Variants in BDNF observed in about 807,000 individuals in gnomAD.
BDNF encodes brain derived neurotrophic factor, also known as neurotrophic factor BDNF precursor form.
In BDNF, 1 loss-of-function variant was observed where a neutral mutation model predicts 19.5. The observed-to-expected ratio is 0.05, with a 90% CI of 0.02 to 0.24. The LOEUF (loss-of-function observed/expected upper bound fraction) is 0.24, where lower values mean the gene tolerates loss of function less well. Ranked by LOEUF, BDNF falls within the 10% of genes least tolerant of loss-of-function variation. The pLI is 1.00. For synonymous variants in BDNF, 100 were observed against 121.6 expected, an observed-to-expected ratio of 0.82 and a Z score of 1.17; for missense variants, 195 against 317.6, an observed-to-expected ratio of 0.61 and a Z score of 2.93.
Position 27,658,623 on chromosome 11 carries a change from T to TA in BDNF, c.-21-39dup. 6.2e-7 allele frequency: 1 copy of TA among 1,614,104 alleles called. No homozygotes were observed. Among genetic ancestry groups the TA allele is most frequent in the Middle Eastern group, 1.6e-4 (1 of 6,062 alleles). ...AGCAGAAACAAGACAGAAAACTGGT[T>TA]AGGGCTTTCTTTCACCGGGATGCCA... On this transcript the variant is annotated intron_variant, in intron 1 of 1. Coordinates refer to ENST00000356660, the MANE Select transcript of BDNF (RefSeq NM_001709.5). The surrounding 1 kb of genome is among the most constrained non-coding windows in gnomAD (Gnocchi z 5.7).
intron 1 of BDNF, chr11:27,675,286 T>G (rs1394031806): frequency 6.6e-6 from 1 of 152,236 alleles, no homozygotes; most frequent in Non-Finnish European, 1.5e-5. Flanking sequence ...TTGTTGCTAC[T>G]CTGTTTCCAG....
chr11:27,706,358 G>A (rs890531608), intron 1 of BDNF, among the ~76,000 whole-genome samples: 11 of 152,156 alleles, frequency 7.2e-5, no homozygotes, highest in Non-Finnish European at 1.5e-4. Flanking sequence ...GCAGACCAGG[G>A]AAGTAGACTA....
chr11:27,713,844 C>G (rs932021838), intron 1 of BDNF, among the ~76,000 whole-genome samples: 10 of 152,208 alleles, frequency 6.6e-5, no homozygotes, highest in Admixed American at 2.6e-4. Flanking sequence ...ATGTCCTATA[C>G]AAGCTACAGC....
At chr11:27,663,666 A>G (rs892873384) in intron 1 of BDNF, among the ~76,000 whole-genome samples, 5 of 152,200 alleles carry the variant, frequency 3.3e-5, no homozygotes, top group African/African-American at 1.2e-4. Context: ...CCATAAAGCT[A>G]GTAGGTCACC....
At chr11:27,683,352 C>A (rs1371340441) in intron 1 of BDNF, among the ~76,000 whole-genome samples, 1 of 151,924 alleles carries the variant, frequency 6.6e-6, no homozygotes, top group Non-Finnish European at 1.5e-5. Flanking sequence ...CCCATTCTGT[C>A]GGTTGCCTGT....
At chr11:27,700,936 G>A (rs746978379), upstream of BDNF, 1 of 1,347,356 alleles carries the variant, frequency 7.4e-7, no homozygotes, top group Admixed American at 2.0e-5. Flanking sequence ...AAGTTCTCTG[G>A]GAGAGGGCGT....
intron 1 of BDNF, among the ~76,000 whole-genome samples, chr11:27,664,836 C>A (rs961100914): frequency 6.6e-6 from 1 of 152,108 alleles, no homozygotes; most frequent in Non-Finnish European, 1.5e-5. Flanking sequence ...GCCAGAGCCA[C>A]CCAGAATTCA....
rs966815269 is a variant in BDNF at position 27,705,771 on chromosome 11, C to A, written c.3+15641G>T. Among the ~76,000 whole-genome samples, 5 of 152,214 alleles carry A rather than the reference C, an allele frequency of 3.3e-5. No individual in the cohort carries two copies. In the South Asian group the frequency reaches 1.0e-3, roughly 31 times the overall value. ...ATTTGGAAACATCCGAAACTCCTGA[C>A]TTTCTCAACTTTAGTTGCCTTTCAC... On this transcript the variant is annotated intron_variant, in intron 1 of 1. Transcript: ENST00000314915.
intron 1 of BDNF, among the ~76,000 whole-genome samples, chr11:27,712,341 G>T (rs1332857553): frequency 6.6e-6 from 1 of 152,016 alleles, no homozygotes; most frequent in African/African-American, 2.4e-5. Flanking sequence ...AAAATACATT[G>T]ATACTTATCA....
intron 1 of BDNF, among the ~76,000 whole-genome samples, chr11:27,668,880 A>G (rs1331501246): frequency 6.6e-6 from 1 of 152,234 alleles, no homozygotes; most frequent in Non-Finnish European, 1.5e-5. Context: ...ATCAATAGAA[A>G]AAGAGGGAAT....
chr11:27,679,731 T>C (rs1374362065), intron 1 of BDNF, among the ~76,000 whole-genome samples: 3 of 152,182 alleles, frequency 2.0e-5, no homozygotes, highest in African/African-American at 7.2e-5. Context: ...AAAAACTATT[T>C]ATGTGAACAA....
intron 1 of BDNF, among the ~76,000 whole-genome samples, chr11:27,664,513 T>C (rs1853991973): frequency 6.6e-6 from 1 of 152,102 alleles, no homozygotes; most frequent in Non-Finnish European, 1.5e-5. Flanking sequence ...GTGCAGTGGC[T>C]CACATTTGTA....
chr11:27,662,826 G>A (rs1853683849), intron 1 of BDNF, among the ~76,000 whole-genome samples: 2 of 152,172 alleles, frequency 1.3e-5, no homozygotes, highest in Non-Finnish European at 2.9e-5. Context: ...GCCAGGGACT[G>A]GTAACAATCC....
upstream of BDNF, among the ~76,000 whole-genome samples, chr11:27,701,895 T>G (rs1302185056): frequency 6.6e-6 from 1 of 152,132 alleles, no homozygotes; most frequent in African/African-American, 2.4e-5. Context: ...TAAAAAGTCT[T>G]CTGCTTTAAC....
rs1403774617 is a variant in BDNF, at chr11:27,708,720, T to C, written c.3+12692A>G. ...AGAAATTGCTCCAAAGAGTATTTAG[T>C]TGGAATATAAGGTGGTTTTAAAAAT... On this transcript the variant is annotated intron_variant, in intron 1 of 1. Coordinates refer to the BDNF transcript ENST00000314915. Among the ~76,000 whole-genome samples the C allele has an allele frequency of 3.3e-5, 5 of 152,034 alleles. No homozygotes were observed. In the South Asian group the frequency reaches 1.0e-3, roughly 32 times the overall value.
chr11:27,687,353 A>T (rs1280814122), intron 1 of BDNF, among the ~76,000 whole-genome samples: 1 of 152,176 alleles, frequency 6.6e-6, no homozygotes, highest in Non-Finnish European at 1.5e-5. Flanking sequence ...GGGTTAGAGC[A>T]TGCTCCTTTA....
chr11:27,687,533 C>T (rs939309647), intron 1 of BDNF, among the ~76,000 whole-genome samples: 1 of 152,258 alleles, frequency 6.6e-6, no homozygotes, highest in East Asian at 1.9e-4. Flanking sequence ...GGATTTTCCT[C>T]ATCCTTGTGG....
chr11:27,696,913 T>C (rs1293485438), intron 1 of BDNF, among the ~76,000 whole-genome samples: 2 of 152,206 alleles, frequency 1.3e-5, no homozygotes, highest in Non-Finnish European at 2.9e-5. Context: ...ATCCACTCTC[T>C]ATGCTGTCTG....
chr11:27,711,077 TA>T (rs942148323), intron 1 of BDNF, among the ~76,000 whole-genome samples: 3 of 152,230 alleles, frequency 2.0e-5, no homozygotes, highest in African/African-American at 7.2e-5. Flanking sequence ...GATTAGTGAT[TA>T]AAAAAAGGGC....
Sources: allele counts gnomAD v4.1 joint callset (sites outside exome capture counted in the v4.1 genomes callset), GRCh38; gene constraint gnomAD v4.1.1; non-coding constraint Gnocchi (gnomAD v3.1); transcripts MANE v1.5; gene names NCBI Gene and HGNC (gene_info 2026-07-23, HGNC 2026-07-21).